KBTBD11: variants seen among roughly 807,000 people sequenced by gnomAD.
KBTBD11 encodes the protein kelch repeat and BTB domain-containing protein 11.
For synonymous variants in KBTBD11, 747 were observed against 499.0 expected (o/e 1.50, Z -6.63); for missense variants, 1,390 against 1,001.8 (o/e 1.39, Z -5.23).
At chr8:1,974,319 C>G in intron 1 of KBTBD11, 1 of 984,606 alleles carries the variant, frequency 1.0e-6, no homozygotes, top group Non-Finnish European at 1.2e-6. Flanking sequence ...CCGCCCGCGC[C>G]GCGCCCGCAG....
chr8:2,002,641 C>T lies in KBTBD11; in HGVS notation c.1449C>T (p.Cys483=), dbSNP rs1478043094. 40 of 1,578,984 alleles carry T rather than the reference C, an allele frequency of 2.5e-5. No homozygotes were observed. The highest frequency in any genetic ancestry group is 3.2e-5 in the Non-Finnish European group (38 of 1,171,542). The part of the protein sequence containing the change: ...YDPRRDEWQE[C]PCSSSRERSA... ...CGCGGCGCGACGAGTGGCAGGAGTG[C>T]CCGTGCAGCAGCAGCCGCGAGCGCT... is the stretch of plus-strand genomic sequence containing the variant. The change falls in exon 2 of 2, where the codon TGC becomes TGT. Residue 483 remains cysteine, a synonymous_variant. Transcript: ENST00000320248. The surrounding 1 kb of genome is among the most constrained non-coding windows in gnomAD (Gnocchi z 4.1).
At position 2,002,615 on chromosome 8, in the gene KBTBD11, C is replaced by T. The variant is rs750664656; in HGVS notation, c.1423C>T (p.Pro475Ser). Residue 475 changes from proline (P) to serine (S), a missense_variant, in exon 2 of 2, where the codon CCG (proline) becomes TCG (serine). Physicochemically the swap from Pro to Ser is moderately conservative, Grantham distance 74 (BLOSUM62 -1). Coordinates refer to ENST00000320248, the MANE Select transcript of KBTBD11 (RefSeq NM_014867.3). This position sits in a 1 kb window ranked among gnomAD's most constrained non-coding sequence, Gnocchi z 4.1. ...CTTCTATCGCCTGCTCAAGTATGAC[C>T]CGCGGCGCGACGAGTGGCAGGAGTG... ...SLFYRLLKYD[P>S]RRDEWQECPC... 8.8e-5 allele frequency: 140 copies of T among 1,584,172 alleles called. 6 individuals are homozygous for T. The South Asian group carries it at 1.1e-3, about 12-fold the overall frequency.
chr8:1,980,248 G>A (rs529365565), intron 1 of KBTBD11, among the ~76,000 whole-genome samples: 2 of 18,174 alleles, frequency 1.1e-4, no homozygotes, highest in East Asian at 4.4e-3. Flanking sequence ...TTTTTTTTGA[G>A]ATGGGGTCTT....
chr8:2,003,181 G>T lies in KBTBD11; in HGVS notation c.*117G>T. On this transcript the variant is annotated 3_prime_UTR_variant, in exon 2 of 2. Coordinates refer to ENST00000320248, the MANE Select transcript of KBTBD11 (RefSeq NM_014867.3). ...GGCCGCTGGCCACGCTGGTGGTTTG[G>T]ACACTTCGAAGGAGCCCCGAGGACG... 2 of 1,243,076 alleles carry T rather than the reference G, an allele frequency of 1.6e-6. No homozygotes were observed. The highest frequency in any genetic ancestry group is 3.1e-4 in the Middle Eastern group (1 of 3,206). 77.0% of individuals were successfully genotyped at this position (1,243,076 alleles called of 1,614,324 possible).
chr8:1,982,479 C>A lies in KBTBD11; in HGVS notation c.-909+8544C>A, dbSNP rs73184733. On this transcript the variant is annotated intron_variant, in intron 1 of 1. Coordinates refer to ENST00000320248, the MANE Select transcript of KBTBD11 (RefSeq NM_014867.3). The stretch of plus-strand genomic sequence containing the variant: ...AGAGTGCATGAATGGGTTAAAAAAA[C>A]ATATAAGACCCCACTATATGCTGCC... Among the ~76,000 whole-genome samples, 1,276 of 148,540 alleles carry A rather than the reference C, an allele frequency of 8.6e-3. 16 individuals are homozygous for A. Among genetic ancestry groups the A allele is most frequent in the South Asian group, 0.02 (91 of 4,448 alleles).
Position 2,004,987 on chromosome 8 carries a change from T to C in KBTBD11, c.*1923T>C, listed in dbSNP as rs1585769747. The C allele has an allele frequency of 6.0e-6, 1 of 167,218 alleles. No homozygotes were observed. Among genetic ancestry groups the C allele is most frequent in the African/African-American group, 2.4e-5 (1 of 41,578 alleles). The allele number at this position is 167,218 out of a possible 1,614,324, so 10.4% of individuals were successfully genotyped here. On this transcript the variant is annotated 3_prime_UTR_variant, in exon 2 of 2. Transcript: ENST00000320248. ...TAAATATCAAACTCATATGCTGTTA[T>C]CACTGTGATTTTACTTGTGAAATCA...
intron 1 of KBTBD11, among the ~76,000 whole-genome samples, chr8:1,983,931 A>T (rs1816623634): frequency 6.6e-6 from 1 of 152,130 alleles, no homozygotes; most frequent in Admixed American, 6.5e-5. Flanking sequence ...GGAGTTTGAG[A>T]CCAGCCTGGC....
chr8:1,990,058 A>G (rs1816854654), intron 1 of KBTBD11, among the ~76,000 whole-genome samples: 2 of 149,452 alleles, frequency 1.3e-5, no homozygotes, highest in Non-Finnish European at 3.0e-5. Context: ...CAAACTTAGT[A>G]TTTCTGTGCA....
rs1409563551 is a variant in KBTBD11, at chr8:2,005,201, C to G, written c.*2137C>G. ...GCTCACACTAGATGTAGCACAGCTT[C>G]CTGTGGGGCCCGGCAGCAAAGCCCC... On this transcript the variant is annotated 3_prime_UTR_variant, in exon 2 of 2. Transcript: ENST00000320248. 2 of 167,082 alleles carry G rather than the reference C, an allele frequency of 1.2e-5. No individual in the cohort carries two copies. The highest frequency in any genetic ancestry group is 1.5e-5 in the Non-Finnish European group (1 of 68,134). 10.3% of individuals were successfully genotyped at this position (167,082 alleles called of 1,614,324 possible). A position where few individuals can be genotyped will look rare whatever the true frequency, so the allele number is the denominator to read the frequency against.
intron 1 of KBTBD11, among the ~76,000 whole-genome samples, chr8:1,978,240 C>T (rs972521934): frequency 3.9e-5 from 6 of 152,204 alleles, no homozygotes; most frequent in South Asian, 2.1e-4. Context: ...TAAGTGAGAA[C>T]GTGGTGTTTG....
At position 1,986,625 on chromosome 8, in the gene KBTBD11, G is replaced by T. The variant is rs188731872; in HGVS notation, c.-909+12690G>T. 5.3e-5 allele frequency among the ~76,000 whole-genome samples: 8 copies of T among 152,290 alleles called. No homozygotes were observed. The East Asian group carries it at 1.4e-3, about 26-fold the overall frequency. ...AGTTACTCAGCAGCAGAGGCATGAAGAATTCTTACCTGGTGATTAACTGTA... is the reference window on the plus strand; with the variant it reads ...AGTTACTCAGCAGCAGAGGCATGAATAATTCTTACCTGGTGATTAACTGTA... On this transcript the variant is annotated intron_variant, in intron 1 of 1. Coordinates refer to ENST00000320248, the MANE Select transcript of KBTBD11 (RefSeq NM_014867.3).
At chr8:1,979,665 T>G (rs1331478971) in intron 1 of KBTBD11, among the ~76,000 whole-genome samples, 1 of 152,210 alleles carries the variant, frequency 6.6e-6, no homozygotes, top group Non-Finnish European at 1.5e-5. Context: ...TGGACTGTGA[T>G]TGACTAAATA....
In KBTBD11 at chr8:1,990,325, T is replaced by C. The variant is rs573248123; in HGVS notation, c.-908-9960T>C. Among the ~76,000 whole-genome samples the C allele has an allele frequency of 1.1e-3, 149 of 139,512 alleles. 1 individual carries two copies. Among genetic ancestry groups the C allele is most frequent in the Non-Finnish European group, 1.9e-3 (119 of 64,250 alleles). The allele number at this position is 139,512 out of a possible 152,430, so 91.5% of individuals were successfully genotyped here. ...TGTCCGGGTGGGTACTGGGCCTTGGTGCCCTGTCTGGGTAGATGCTGGGCC... is the reference window on the plus strand; with the variant it reads ...TGTCCGGGTGGGTACTGGGCCTTGGCGCCCTGTCTGGGTAGATGCTGGGCC... On this transcript the variant is annotated intron_variant, in intron 1 of 1. Coordinates refer to ENST00000320248, the MANE Select transcript of KBTBD11 (RefSeq NM_014867.3).
chr8:2,002,148 CGGACGCGCGCGG>C lies in KBTBD11; in HGVS notation c.964_975del (p.Arg322_Ala325del). The C allele has an allele frequency of 8.5e-7, 1 of 1,177,158 alleles. No individual in the cohort carries two copies. Among genetic ancestry groups the C allele is most frequent in the Non-Finnish European group, 1.0e-6 (1 of 955,762 alleles). The allele number at this position is 1,177,158 out of a possible 1,614,324, so 72.9% of individuals were successfully genotyped here. On this transcript the variant is annotated inframe_deletion, in exon 2 of 2. Coordinates refer to ENST00000320248, the MANE Select transcript of KBTBD11 (RefSeq NM_014867.3). The surrounding 1 kb of genome is among the most constrained non-coding windows in gnomAD (Gnocchi z 4.1). ...CGGCCTCAGAGCCCCTCGGGGGACG[CGGACGCGCGCGG>C]GGACGCGGCCGTCTACTGCTTCCAC...
At chr8:1,999,157 G>A (rs1490553564) in intron 1 of KBTBD11, among the ~76,000 whole-genome samples, 5 of 152,124 alleles carry the variant, frequency 3.3e-5, no homozygotes, top group African/African-American at 1.2e-4. Flanking sequence ...AAGACAGAGG[G>A]AGAGAGAGAG....
At chr8:1,981,082 T>G (rs1332652277) in intron 1 of KBTBD11, among the ~76,000 whole-genome samples, 1 of 152,220 alleles carries the variant, frequency 6.6e-6, no homozygotes, top group African/African-American at 2.4e-5. Flanking sequence ...CCTGAGCCTG[T>G]CAGTGAATTT....
At position 2,002,452 on chromosome 8, in the gene KBTBD11, G is replaced by A. The variant is rs902524518; in HGVS notation, c.1260G>A (p.Glu420=). The change falls in exon 2 of 2, where the codon GAG becomes GAA. Residue 420 remains glutamate, a synonymous_variant. Coordinates refer to ENST00000320248, the MANE Select transcript of KBTBD11 (RefSeq NM_014867.3). The surrounding 1 kb of genome is among the most constrained non-coding windows in gnomAD (Gnocchi z 4.1). ...GTCACCTCTACGCCGTGGGCGGCGAGTGCCTGCTCAGCGTGGAGCGCTACG... is the reference window on the plus strand; with the variant it reads ...GTCACCTCTACGCCGTGGGCGGCGAATGCCTGCTCAGCGTGGAGCGCTACG... ...LDGHLYAVGG[E]CLLSVERYDP... is the part of the protein sequence containing the mutation. 1.3e-6 allele frequency: 2 copies of A among 1,507,956 alleles called. No homozygotes were observed. Among genetic ancestry groups the A allele is most frequent in the East Asian group, 2.6e-5 (1 of 37,912 alleles). The allele number at this position is 1,507,956 out of a possible 1,614,324, so 93.4% of individuals were successfully genotyped here. A position where few individuals can be genotyped will look rare whatever the true frequency, so the allele number is the denominator to read the frequency against.
rs17064491 is a variant in KBTBD11 at position 2,005,319 on chromosome 8, T to A, written c.*2255T>A. On this transcript the variant is annotated 3_prime_UTR_variant, in exon 2 of 2. Coordinates refer to ENST00000320248, the MANE Select transcript of KBTBD11 (RefSeq NM_014867.3). ...ACCATTAAAGGATGTCCGGCCAACC[T>A]ATTGTGGAAATTTATAGAATAGTAT... The A allele has an allele frequency of 0.018, 3,018 of 167,258 alleles. 43 individuals are homozygous for A. The highest frequency in any genetic ancestry group is 0.026 in the African/African-American group (1,094 of 41,604). The allele number at this position is 167,258 out of a possible 1,614,324, so 10.4% of individuals were successfully genotyped here.
chr8:1,974,855 C>G (rs149695698), intron 1 of KBTBD11: 2 of 272,044 alleles, frequency 7.4e-6, no homozygotes, highest in South Asian at 1.4e-4. Flanking sequence ...AGGAACAAAT[C>G]AGTGCAGCGA....
Sources: gnomAD v4.1 joint callset for allele counts (sites outside exome capture counted in the v4.1 genomes callset) on GRCh38, gnomAD v4.1.1 for gene constraint, Gnocchi (gnomAD v3.1) non-coding constraint, MANE v1.5 for transcripts, NCBI Gene and HGNC (gene_info 2026-07-23, HGNC 2026-07-21) for gene names.